KCNJ5: variants seen among roughly 807,000 people sequenced by gnomAD.
KCNJ5 encodes G protein-activated inward rectifier potassium channel 4.
A neutral mutation model predicts 20.2 loss-of-function variants in KCNJ5; 12 were observed. The ratio of observed to expected loss-of-function variants is 0.59; its 90% CI spans 0.38 to 0.96. The LOEUF (loss-of-function observed/expected upper bound fraction) is 0.96. KCNJ5 is among the 40% of genes least tolerant of loss of function. The probability of loss-of-function intolerance (pLI) is 0.00; values close to 1 mark genes in which losing one functional copy is unlikely to be tolerated. For missense variants in KCNJ5, 449 were observed against 557.6 expected (o/e 0.81, Z 1.96); for synonymous variants, 210 against 213.9 (o/e 0.98, Z 0.16).
rs1305186999 is a variant in KCNJ5, at chr11:128,920,693, C to G, written c.*3962C>G. The G allele has an allele frequency of 6.6e-6, 1 of 152,242 alleles. No homozygotes were observed. The highest frequency in any genetic ancestry group is 1.5e-5 in the Non-Finnish European group (1 of 68,052). 9.4% of individuals were successfully genotyped at this position (152,242 alleles called of 1,614,324 possible). On this transcript the variant is annotated 3_prime_UTR_variant, in exon 3 of 3. Coordinates refer to ENST00000529694, the MANE Select transcript of KCNJ5 (RefSeq NM_000890.5). ...GCTGAGAGAGGTTCATGAGCTTGCTCAAGGCCACGGGTAGTAATAAGAGGC... is the reference window on the plus strand; with the variant it reads ...GCTGAGAGAGGTTCATGAGCTTGCTGAAGGCCACGGGTAGTAATAAGAGGC...
At position 128,895,987 on chromosome 11, in the gene KCNJ5, A is replaced by G. The variant is rs557047873; in HGVS notation, c.-11+4266A>G. On this transcript the variant is annotated intron_variant, in intron 1 of 2. Transcript: ENST00000529694. ...CCCAGGGCACCTGCCCCCAGCCCCA[A>G]CCACCTCTCCTGCATCTCTTTCAAT... is the stretch of plus-strand genomic sequence containing the variant. Among the ~76,000 whole-genome samples the G allele has an allele frequency of 3.1e-3, 467 of 152,250 alleles. 1 individual carries two copies. The highest frequency in any genetic ancestry group is 4.9e-3 in the Non-Finnish European group (332 of 67,998).
chr11:128,902,710 A>C, intron 1 of KCNJ5: 1 of 1,604,574 alleles, frequency 6.2e-7, no homozygotes, highest in South Asian at 1.1e-5. Context: ...TGTTTGTGGC[A>C]GACCTGTTGG....
At chr11:128,908,092 G>A (rs1200766642) in intron 1 of KCNJ5, among the ~76,000 whole-genome samples, 2 of 152,184 alleles carry the variant, frequency 1.3e-5, no homozygotes, top group East Asian at 1.9e-4. Context: ...GCTGCATGCT[G>A]GTCAGCTCAA....
At chr11:128,914,604 C>T (rs367919918) in intron 2 of KCNJ5, among the ~76,000 whole-genome samples, 14 of 152,238 alleles carry the variant, frequency 9.2e-5, no homozygotes, top group Admixed American at 9.2e-4. Flanking sequence ...CTGCCGTATC[C>T]TGCCTGAGCG....
At chr11:128,903,090 G>A (rs549972359) in intron 1 of KCNJ5, among the ~76,000 whole-genome samples, 26 of 152,290 alleles carry the variant, frequency 1.7e-4, no homozygotes, top group African/African-American at 5.5e-4. Flanking sequence ...TTAGAACTGC[G>A]TGTGTGTACA....
Position 128,917,053 on chromosome 11 carries a change from T to C in KCNJ5, c.*322T>C, listed in dbSNP as rs1944595688. 4.0e-6 allele frequency: 1 copy of C among 249,612 alleles called. No homozygotes were observed. Among genetic ancestry groups the C allele is most frequent in the African/African-American group, 2.2e-5 (1 of 44,854 alleles). 15.5% of individuals were successfully genotyped at this position (249,612 alleles called of 1,614,324 possible). The stretch of plus-strand genomic sequence containing the variant: ...CCATGCCCTGGGTCACTTCCTTTTT[T>C]GGGTCTCACAGACCCCTCCAGGGGC... On this transcript the variant is annotated 3_prime_UTR_variant, in exon 3 of 3. Coordinates refer to ENST00000529694, the MANE Select transcript of KCNJ5 (RefSeq NM_000890.5).
At chr11:128,916,244 A>ATG (rs1565554461) in intron 2 of KCNJ5, among the ~76,000 whole-genome samples, 165 bp from the exon 3 acceptor site, 1 of 129,170 alleles carries the variant, frequency 7.7e-6, no homozygotes, top group African/African-American at 3.0e-5. Flanking sequence ...ATAGATGATT[A>ATG]GATGGATGGA....
intron 2 of KCNJ5, among the ~76,000 whole-genome samples, chr11:128,914,243 C>G (rs1268623998): frequency 6.6e-6 from 1 of 152,240 alleles, no homozygotes; most frequent in Non-Finnish European, 1.5e-5. Context: ...TCATAGCACA[C>G]CTGACCACTC....
chr11:128,904,394 G>C (rs761398239), intron 1 of KCNJ5: 7 of 1,612,202 alleles, frequency 4.3e-6, no homozygotes, highest in South Asian at 3.3e-5. Flanking sequence ...AACTCCTTGC[G>C]GACAGAGAAC....
chr11:128,908,747 T>C (rs1271209686), intron 1 of KCNJ5, among the ~76,000 whole-genome samples: 1 of 152,214 alleles, frequency 6.6e-6, no homozygotes, highest in Non-Finnish European at 1.5e-5. Flanking sequence ...TGACTCATTC[T>C]TGTGGCACTG....
At chr11:128,906,148 C>G (rs886327784) in intron 1 of KCNJ5, 2 of 152,004 alleles carry the variant, frequency 1.3e-5, no homozygotes, top group Admixed American at 6.6e-5. Context: ...TGTACACACA[C>G]CTTTCATTTC....
Position 128,916,051 on chromosome 11 carries a change from T to TGGATGG in KCNJ5, c.938-358_938-357insGGATGG, listed in dbSNP as rs1944574741. 1.1e-4 allele frequency among the ~76,000 whole-genome samples: 13 copies of TGGATGG among 122,570 alleles called. No homozygotes were observed. In the South Asian group the frequency reaches 2.1e-3, roughly 20 times the overall value. 80.4% of individuals were successfully genotyped at this position (122,570 alleles called of 152,430 possible). Reference sequence around the variant, plus strand: ...ATGAATGGATGGATGGATGGATGGCTATATCTTTGCCCTTTCCTGCCTTTT... The same window carrying TGGATGG: ...ATGAATGGATGGATGGATGGATGGCTGGATGGATATCTTTGCCCTTTCCTGCCTTTT... On this transcript the variant is annotated intron_variant, in intron 2 of 2. Coordinates refer to ENST00000529694, the MANE Select transcript of KCNJ5 (RefSeq NM_000890.5).
intron 1 of KCNJ5, among the ~76,000 whole-genome samples, chr11:128,898,370 A>G (rs1944209450): frequency 6.6e-6 from 1 of 152,230 alleles, no homozygotes; most frequent in Admixed American, 6.5e-5. Flanking sequence ...TTGCTCTGCC[A>G]TGAACTAATT....
intron 1 of KCNJ5, among the ~76,000 whole-genome samples, chr11:128,909,111 T>A (rs1944465325): frequency 6.6e-6 from 1 of 152,204 alleles, no homozygotes; most frequent in African/African-American, 2.4e-5. Context: ...TTTGATATGA[T>A]GTTTTAAAGG....
At position 128,891,431 on chromosome 11, in the gene KCNJ5, C is replaced by CAGAGAGAGAGAGAG. The variant is rs1214176390; in HGVS notation, c.-300_-299insGAGAGAGAGAGAGA. 4 of 92,740 alleles carry CAGAGAGAGAGAGAG rather than the reference C, an allele frequency of 4.3e-5. No individual in the cohort carries two copies. The highest frequency in any genetic ancestry group is 3.8e-4 in the East Asian group (1 of 2,662). The allele number at this position is 92,740 out of a possible 1,614,324, so 5.7% of individuals were successfully genotyped here. On this transcript the variant is annotated 5_prime_UTR_variant, in exon 1 of 3. Coordinates refer to ENST00000529694, the MANE Select transcript of KCNJ5 (RefSeq NM_000890.5). ...ACACACACACACACACACACACACACACACACACACAGAGAGAGAGAGAGA... is the reference window on the plus strand; with the variant it reads ...ACACACACACACACACACACACACACAGAGAGAGAGAGAGACACACACACAGAGAGAGAGAGAGA...
chr11:128,903,229 C>G (rs1565546516), intron 1 of KCNJ5: 11 of 1,063,588 alleles, frequency 1.0e-5, no homozygotes, highest in Non-Finnish European at 7.9e-6. Flanking sequence ...AAATGTTTCT[C>G]TACATCAAAA....
Position 128,902,665 on chromosome 11 carries a change from C to T in KCNJ5, c.-10-8599C>T, listed in dbSNP as rs143973342. The T allele has an allele frequency of 4.9e-5, 79 of 1,613,820 alleles. No individual in the cohort carries two copies. The Middle Eastern group carries it at 4.9e-4, about 10-fold the overall frequency. On this transcript the variant is annotated intron_variant, in intron 1 of 2. Coordinates refer to ENST00000529694, the MANE Select transcript of KCNJ5 (RefSeq NM_000890.5). ...TTGAGTTCTCCTCTTCCTGCCGGGC[C>T]GCCTGCCTTTGTTGTCCTGAGGACT... is the stretch of plus-strand genomic sequence containing the variant.
chr11:128,914,677 G>C (rs549764558), intron 2 of KCNJ5, among the ~76,000 whole-genome samples: 21 of 152,324 alleles, frequency 1.4e-4, no homozygotes, highest in African/African-American at 4.6e-4. Flanking sequence ...AGGGCTGTTG[G>C]GAGGATTCAA....
rs71057905 is a variant in KCNJ5 at position 128,891,441 on chromosome 11, C to CAG, written c.-257_-256dup. On this transcript the variant is annotated 5_prime_UTR_variant, in exon 1 of 3. Coordinates refer to ENST00000529694, the MANE Select transcript of KCNJ5 (RefSeq NM_000890.5). ...ACACACACACACACACACACACACA[C>CAG]AGAGAGAGAGAGAGAGAGAGAGAGA... 7.6e-3 allele frequency: 417 copies of CAG among 54,892 alleles called. 5 individuals carry two copies. The highest frequency in any genetic ancestry group is 0.037 in the Middle Eastern group (3 of 80). 3.4% of individuals were successfully genotyped at this position (54,892 alleles called of 1,614,324 possible).
Sources: gnomAD v4.1 joint callset for allele counts (sites outside exome capture counted in the v4.1 genomes callset) on GRCh38, gnomAD v4.1.1 for gene constraint, MANE v1.5 for transcripts, NCBI Gene and HGNC (gene_info 2026-07-23, HGNC 2026-07-21) for gene names.